Variants in TEX14 observed in about 807,000 individuals in gnomAD.
TEX14 encodes the protein inactive serine/threonine-protein kinase TEX14.
In TEX14, 168 loss-of-function variants were observed where a neutral mutation model predicts 178.6. The ratio of observed to expected loss-of-function variants is 0.94; its 90% confidence interval spans 0.83 to 1.07. The LOEUF is 1.07. TEX14 is among the 50% of genes least tolerant of loss of function. The probability of loss-of-function intolerance (pLI) is 0.00; values close to 1 mark genes in which losing one functional copy is unlikely to be tolerated. For synonymous variants in TEX14, 626 were observed against 634.1 expected, an observed-to-expected ratio of 0.99 and a Z score of 0.19; for missense variants, 1,730 against 1,753.6, an observed-to-expected ratio of 0.99 and a Z score of 0.24.
rs531302713 is a variant in TEX14 at position 58,604,742 on chromosome 17, G to A, written c.1336+236C>T. 3.3e-5 allele frequency among the ~76,000 whole-genome samples: 5 copies of A among 151,942 alleles called. No individual in the cohort carries two copies. In the East Asian group the frequency reaches 7.9e-4, roughly 24 times the overall value. On this transcript the variant is annotated intron_variant, in intron 11 of 31. Transcript: ENST00000349033. ...CGCCCAGCTAATTTTTGTATTTTTA[G>A]TAGAGACAGGGTTTCACCATTTTGG...
intron 2 of TEX14, among the ~76,000 whole-genome samples, chr17:58,643,643 G>A (rs2046625048): frequency 6.6e-6 from 1 of 151,786 alleles, no homozygotes; most frequent in Admixed American, 6.6e-5. Context: ...GCCGAGGCAG[G>A]CAGATCCCCT....
intron 20 of TEX14, among the ~76,000 whole-genome samples, chr17:58,578,288 A>C (rs1224915654): frequency 1.3e-5 from 2 of 152,184 alleles, no homozygotes; most frequent in Non-Finnish European, 2.9e-5. Context: ...AATATCCAGA[A>C]AGCATAAACT....
intron 10 of TEX14, 39 bp from the exon 11 acceptor site, chr17:58,605,168 A>AAG: frequency 1.9e-6 from 3 of 1,597,500 alleles, no homozygotes; most frequent in Non-Finnish European, 2.6e-6. Flanking sequence ...TCATGCCTTA[A>AAG]AGGGTCTTTT....
chr17:58,584,497 TAC>T lies in TEX14; in HGVS notation c.3171+1_3171+2del, dbSNP rs765201596. 1 of 1,609,964 alleles carries T rather than the reference TAC, an allele frequency of 6.2e-7. No homozygotes were observed. The highest frequency in any genetic ancestry group is 8.5e-7 in the Non-Finnish European group (1 of 1,176,160). ...ACTTGGCTTTCCAGGCAGTATTACT[TAC>T]ACTGTAAGATTTCTCTACAGCCACC... On this transcript the variant is annotated splice_donor_variant, in intron 19 of 31. Transcript: ENST00000349033. LOFTEE classifies it high-confidence loss of function.
At chr17:58,671,696 CTG>C in intron 1 of TEX14, among the ~76,000 whole-genome samples, 2 of 152,278 alleles carry the variant, frequency 1.3e-5, no homozygotes, top group Middle Eastern at 6.8e-3. Flanking sequence ...CTCTGGGTCT[CTG>C]TGGATTTCTC....
At chr17:58,628,756 G>A (rs1238326109) in intron 3 of TEX14, among the ~76,000 whole-genome samples, 5 of 150,740 alleles carry the variant, frequency 3.3e-5, no homozygotes, top group Non-Finnish European at 7.4e-5. Context: ...GTGGTGGCAC[G>A]TGCCTGTAAT....
At chr17:58,562,492 C>T (rs66583824) in intron 28 of TEX14, among the ~76,000 whole-genome samples, 28,101 of 151,814 alleles carry the variant, frequency 0.19, 2,774 homozygotes, top group Non-Finnish European at 0.21. Flanking sequence ...CTTTTGATCA[C>T]GTAAAAAGAG....
At chr17:58,596,351 A>G (rs1228317674) in intron 14 of TEX14, among the ~76,000 whole-genome samples, 1 of 152,092 alleles carries the variant, frequency 6.6e-6, no homozygotes, top group Non-Finnish European at 1.5e-5. Context: ...ACATGATTTC[A>G]GCTCACTGTA....
At chr17:58,661,447 A>G in intron 1 of TEX14, 1 of 793,206 alleles carries the variant, frequency 1.3e-6, no homozygotes, top group Non-Finnish European at 2.3e-6. Flanking sequence ...CAACCTTGTC[A>G]AGGAGGTCGA....
At chr17:58,658,995 T>C (rs2047028676) in intron 1 of TEX14, among the ~76,000 whole-genome samples, 1 of 152,070 alleles carries the variant, frequency 6.6e-6, no homozygotes, top group Non-Finnish European at 1.5e-5. Flanking sequence ...CGGTATAAAA[T>C]ACTTAGCGAG....
Position 58,634,117 on chromosome 17 carries a change from G to C in TEX14, c.137-3563C>G, listed in dbSNP as rs148236636. Among the ~76,000 whole-genome samples, 52 of 151,956 alleles carry C rather than the reference G, an allele frequency of 3.4e-4. 1 individual carries two copies. In the East Asian group the frequency reaches 0.01, roughly 30 times the overall value. ...ACAGTATCAAAGCCTGAGACATCTA[G>C]TAAGAAGAAATTGGGCTGGGTGTGG... On this transcript the variant is annotated intron_variant, in intron 2 of 31. Transcript: ENST00000349033.
chr17:58,678,818 T>TATAATA (rs56142259), intron 1 of TEX14, among the ~76,000 whole-genome samples: 29,763 of 137,072 alleles, frequency 0.22, 3,638 homozygotes, highest in South Asian at 0.37. Flanking sequence ...GAACTTAAAG[T>TATAATA]ATAATAATAA....
intron 18 of TEX14, among the ~76,000 whole-genome samples, chr17:58,584,807 G>A (rs576172952): frequency 2.0e-5 from 3 of 152,262 alleles, no homozygotes; most frequent in East Asian, 3.9e-4. Flanking sequence ...CCACCCATTC[G>A]AGAGTGATGC....
chr17:58,636,283 A>G (rs2144596534), intron 2 of TEX14, among the ~76,000 whole-genome samples: 1 of 152,356 alleles, frequency 6.6e-6, no homozygotes, highest in South Asian at 2.1e-4. Flanking sequence ...CAGTCCCACA[A>G]GAAGTGACCA....
chr17:58,674,762 C>T (rs302868), intron 1 of TEX14, among the ~76,000 whole-genome samples: 36,208 of 147,862 alleles, frequency 0.24, 5,233 homozygotes, highest in Middle Eastern at 0.42. Context: ...ACATCAAAAG[C>T]ACAAGTATAG....
rs191800973 is a variant in TEX14, at chr17:58,604,137, C to A, written c.1336+841G>T. ...CTAATTTACAAGTTCTCAAGGGATA[C>A]CACACATAGATCATAAGTACTGATA... On this transcript the variant is annotated intron_variant, in intron 11 of 31. Transcript: ENST00000349033. Among the ~76,000 whole-genome samples the A allele has an allele frequency of 1.0e-3, 157 of 151,920 alleles. 1 individual carries two copies. Among genetic ancestry groups the A allele is most frequent in the African/African-American group, 3.5e-3 (147 of 41,444 alleles).
intron 1 of TEX14, among the ~76,000 whole-genome samples, chr17:58,668,278 C>G (rs940806322): frequency 3.9e-5 from 6 of 152,226 alleles, no homozygotes; most frequent in African/African-American, 1.4e-4. Flanking sequence ...TCCTCCACTA[C>G]AAGACCCCAT....
At chr17:58,658,051 C>T (rs2047006240) in intron 1 of TEX14, among the ~76,000 whole-genome samples, 3 of 152,208 alleles carry the variant, frequency 2.0e-5, no homozygotes. Flanking sequence ...CACAAGAAGA[C>T]AGCTTTGACT....
At chr17:58,562,392 T>C (rs2044290243) in intron 28 of TEX14, among the ~76,000 whole-genome samples, 1 of 152,194 alleles carries the variant, frequency 6.6e-6, no homozygotes, top group African/African-American at 2.4e-5. Flanking sequence ...TTCACAGCAC[T>C]GAGATGACTG....
Sources: gnomAD v4.1 joint callset for allele counts (sites outside exome capture counted in the v4.1 genomes callset) on GRCh38, gnomAD v4.1.1 for gene constraint, MANE v1.5 for transcripts, NCBI Gene and HGNC (gene_info 2026-07-23, HGNC 2026-07-21) for gene names.